Variants in CACNA1D observed in about 807,000 individuals in gnomAD.
CACNA1D encodes the protein calcium voltage-gated channel subunit alpha1 D.
In CACNA1D, 55 loss-of-function variants were observed where a neutral mutation model predicts 257.1. That is an observed-to-expected ratio of 0.21 (90% CI 0.17 to 0.27). The LOEUF (loss-of-function observed/expected upper bound fraction) is 0.27, where lower values mean the gene tolerates loss of function less well. Ranked by LOEUF, CACNA1D falls within the 10% of genes least tolerant of loss-of-function variation. The pLI, the probability that CACNA1D is intolerant of heterozygous loss-of-function variation, is 1.00. For missense variants in CACNA1D, 1,876 were observed against 2,784.0 expected (o/e 0.67, Z 7.34); for synonymous variants, 980 against 1,014.9 (o/e 0.97, Z 0.65).
intron 4 of CACNA1D, among the ~76,000 whole-genome samples, chr3:53,658,212 C>T (rs953055688): frequency 5.4e-5 from 8 of 148,770 alleles, no homozygotes; most frequent in South Asian, 2.1e-4. Context: ...TTTTGAGAGG[C>T]GTGGTGGTGA....
Position 53,793,532 on chromosome 3 carries a change from C to T in CACNA1D, c.4923+6580C>T, listed in dbSNP as rs985356937. The stretch of plus-strand genomic sequence containing the variant: ...AAAGGCCCCAAGCGATTCAAGTGGG[C>T]GGCGTTTCCATGTGCCTTCTCCACG... On this transcript the variant is annotated intron_variant, in intron 40 of 47. Transcript: ENST00000350061. The surrounding 1 kb of genome is among the most constrained non-coding windows in gnomAD (Gnocchi z 4.1). 2.6e-5 allele frequency among the ~76,000 whole-genome samples: 4 copies of T among 152,186 alleles called. No individual in the cohort carries two copies. The highest frequency in any genetic ancestry group is 3.2e-3 in the Middle Eastern group (1 of 316).
In CACNA1D at chr3:53,744,731, C is replaced by T; in HGVS notation, c.2919-9C>T. 6.5e-7 allele frequency: 1 copy of T among 1,547,590 alleles called. No individual in the cohort carries two copies. Among genetic ancestry groups the T allele is most frequent in the South Asian group, 1.1e-5 (1 of 89,748 alleles). On this transcript the variant is annotated splice_polypyrimidine_tract_variant and intron_variant, in intron 22 of 47. Transcript: ENST00000350061. Reference sequence around the variant, plus strand: ...CGCTCTGCCTGCCGTCTTTCTGCTCCTTCCCTAGATCCAGTGCCATCTCCG... The same window carrying T: ...CGCTCTGCCTGCCGTCTTTCTGCTCTTTCCCTAGATCCAGTGCCATCTCCG...
chr3:53,810,398 G>A, intron 47 of CACNA1D, 100 bp downstream of exon 47: 1 of 1,167,918 alleles, frequency 8.6e-7, no homozygotes, highest in Non-Finnish European at 1.3e-6. Flanking sequence ...CGGCCAGGCT[G>A]TGAGCTAGGC....
chr3:53,651,856 T>A (rs892572949), intron 4 of CACNA1D, among the ~76,000 whole-genome samples: 5 of 152,214 alleles, frequency 3.3e-5, no homozygotes, highest in Admixed American at 2.6e-4. Context: ...GATTATCCTT[T>A]TATCATGAAT....
At chr3:53,621,355 A>ACCTGTGTGT (rs144536708) in intron 3 of CACNA1D, among the ~76,000 whole-genome samples, 8,945 of 152,204 alleles carry the variant, frequency 0.059, 324 homozygotes, top group Middle Eastern at 0.085. Flanking sequence ...CACAGAGCTA[A>ACCTGTGTGT]CCTGTGTGTC....
intron 9 of CACNA1D, among the ~76,000 whole-genome samples, chr3:53,709,569 C>T (rs1297958589): frequency 1.3e-5 from 2 of 152,194 alleles, no homozygotes; most frequent in African/African-American, 2.4e-5. Context: ...CTGTGCTGCC[C>T]ATGCCCTTGC....
chr3:53,789,038 C>A lies in CACNA1D; in HGVS notation c.4923+2086C>A, dbSNP rs1324964755. Among the ~76,000 whole-genome samples the A allele has an allele frequency of 8.5e-5, 13 of 152,184 alleles. No individual in the cohort carries two copies. The highest frequency in any genetic ancestry group is 7.9e-4 in the Admixed American group (12 of 15,274). On this transcript the variant is annotated intron_variant, in intron 40 of 47. Transcript: ENST00000350061. The surrounding 1 kb of genome is among the most constrained non-coding windows in gnomAD (Gnocchi z 4.2). ...GTTTCACGTATGGGGTTTACTGAGT[C>A]TTAAGTTGAAGGGTCAAATGGCATG...
chr3:53,755,226 C>A (rs188487695), intron 29 of CACNA1D, among the ~76,000 whole-genome samples: 149 of 152,338 alleles, frequency 9.8e-4, no homozygotes, highest in Non-Finnish European at 4.3e-4. Flanking sequence ...TTCCCAGATA[C>A]CTGGGCCATG....
chr3:53,584,054 T>C (rs1360418529), intron 3 of CACNA1D, among the ~76,000 whole-genome samples: 1 of 152,150 alleles, frequency 6.6e-6, no homozygotes, highest in Admixed American at 6.5e-5. Context: ...ACATCCTGAG[T>C]GATCATTCTC....
chr3:53,734,751 T>G (rs1016660411), intron 19 of CACNA1D, among the ~76,000 whole-genome samples: 2 of 152,178 alleles, frequency 1.3e-5, no homozygotes, highest in Non-Finnish European at 2.9e-5. Flanking sequence ...CTTCACTTTC[T>G]GAGGACTGCT....
At chr3:53,653,203 A>G (rs1292412620) in intron 4 of CACNA1D, among the ~76,000 whole-genome samples, 1 of 152,112 alleles carries the variant, frequency 6.6e-6, no homozygotes, top group Non-Finnish European at 1.5e-5. Context: ...GTGAGCCAAA[A>G]CCATGCCACT....
At chr3:53,645,678 T>A (rs2094011461) in intron 3 of CACNA1D, among the ~76,000 whole-genome samples, 1 of 152,224 alleles carries the variant, frequency 6.6e-6, no homozygotes, top group African/African-American at 2.4e-5. Context: ...TTTTTTAAAA[T>A]TTAAATTTCT....
intron 3 of CACNA1D, among the ~76,000 whole-genome samples, chr3:53,556,977 A>C (rs1442023426): frequency 6.6e-6 from 1 of 152,070 alleles, no homozygotes; most frequent in Non-Finnish European, 1.5e-5. Flanking sequence ...TGGCCTCCCA[A>C]AGTGCTGGGA....
chr3:53,765,645 C>CA (rs1347371007), intron 30 of CACNA1D: 3 of 152,664 alleles, frequency 2.0e-5, no homozygotes, highest in Non-Finnish European at 4.4e-5. Context: ...AGCCTGGGGC[C>CA]ATCTTGGTCA....
chr3:53,651,361 A>ATTTCCTTTT (rs2094090649), intron 4 of CACNA1D, among the ~76,000 whole-genome samples: 1 of 57,168 alleles, frequency 1.7e-5, no homozygotes, highest in Non-Finnish European at 3.4e-5. Flanking sequence ...AAAGCTATTA[A>ATTTCCTTTT]TTTTCTTTTT....
chr3:53,692,696 ATGATT>A (rs1202962155), intron 8 of CACNA1D, among the ~76,000 whole-genome samples: 1 of 152,236 alleles, frequency 6.6e-6, no homozygotes, highest in Non-Finnish European at 1.5e-5. Context: ...GACTCTGAAA[ATGATT>A]CATCTTCCCA....
chr3:53,670,844 G>A (rs2094315835), intron 7 of CACNA1D, among the ~76,000 whole-genome samples: 1 of 152,134 alleles, frequency 6.6e-6, no homozygotes, highest in Non-Finnish European at 1.5e-5. Context: ...TTTCACGTGG[G>A]TATTTTTGGG....
chr3:53,730,476 A>G lies in CACNA1D; in HGVS notation c.2256A>G (p.Val752=), dbSNP rs1340620950. The change falls in exon 16 of 48, where the codon GTA becomes GTG. Residue 752 remains valine (V), a synonymous_variant. Coordinates refer to ENST00000350061, the MANE Select transcript of CACNA1D (RefSeq NM_001128840.3). ...TGAATGTCTTCTTGGCCATCGCTGTAGACAATTTGGCTGATGCTGAAAGTC... is the reference window on the plus strand; with the variant it reads ...TGAATGTCTTCTTGGCCATCGCTGTGGACAATTTGGCTGATGCTGAAAGTC... The part of the protein sequence containing the change: ...ILLNVFLAIA[V]DNLADAESLN... The G allele has an allele frequency of 1.2e-6, 2 of 1,614,040 alleles. No individual in the cohort carries two copies. Among genetic ancestry groups the G allele is most frequent in the Non-Finnish European group, 1.7e-6 (2 of 1,179,848 alleles).
chr3:53,628,122 C>T (rs1281163354), intron 3 of CACNA1D, among the ~76,000 whole-genome samples: 1 of 152,178 alleles, frequency 6.6e-6, no homozygotes, highest in Non-Finnish European at 1.5e-5. Flanking sequence ...GAAGCAGTCA[C>T]CCAACTCTCC....
Sources: allele counts gnomAD v4.1 joint callset (sites outside exome capture counted in the v4.1 genomes callset), GRCh38; gene constraint gnomAD v4.1.1; non-coding constraint Gnocchi (gnomAD v3.1); transcripts MANE v1.5; gene names NCBI Gene and HGNC (gene_info 2026-07-23, HGNC 2026-07-21).